The following ARL13B variants were observed in gnomAD, a reference collection of about 807,000 sequenced individuals.
ARL13B encodes the protein ADP-ribosylation factor-like protein 13B.
A neutral mutation model predicts 56.1 loss-of-function variants in ARL13B; 36 were observed. That is an observed-to-expected ratio of 0.64 (90% CI 0.49 to 0.85). ARL13B has a LOEUF of 0.85. Ranked by LOEUF, ARL13B falls within the 40% of genes least tolerant of loss-of-function variation. The pLI, the probability that ARL13B is intolerant of heterozygous loss-of-function variation, is 0.00. For missense variants in ARL13B, 519 were observed against 507.1 expected, an observed-to-expected ratio of 1.02 and a Z score of -0.23; for synonymous variants, 178 against 171.1, an observed-to-expected ratio of 1.04 and a Z score of -0.32.
intron 3 of ARL13B, among the ~76,000 whole-genome samples, chr3:94,006,182 C>A (rs1045852903): frequency 6.6e-6 from 1 of 152,066 alleles, no homozygotes; most frequent in African/African-American, 2.4e-5. Flanking sequence ...GTAGTCCCAG[C>A]TACTCGGGAG....
rs1374473077 is a variant in ARL13B at position 93,988,885 on chromosome 3, G to C, written c.60-6989G>C. On this transcript the variant is annotated intron_variant, in intron 1 of 9. Coordinates refer to ENST00000394222, the MANE Select transcript of ARL13B (RefSeq NM_001174150.2). ...AGCAGGTTTAGCTGACAAGTGCGCAGATCTCCTCTTGGGCTCTTGCTTCGC... is the reference window on the plus strand; with the variant it reads ...AGCAGGTTTAGCTGACAAGTGCGCACATCTCCTCTTGGGCTCTTGCTTCGC... 3.9e-5 allele frequency: 14 copies of C among 361,192 alleles called. No homozygotes were observed. The East Asian group carries it at 9.5e-4, about 24-fold the overall frequency. The allele number at this position is 361,192 out of a possible 1,614,324, so 22.4% of individuals were successfully genotyped here.
In ARL13B at chr3:94,054,898, G is replaced by A; in HGVS notation, c.*1635G>A. 2 of 272,908 alleles carry A rather than the reference G, an allele frequency of 7.3e-6. No individual in the cohort carries two copies. The highest frequency in any genetic ancestry group is 1.5e-5 in the Non-Finnish European group (2 of 137,528). 16.9% of individuals were successfully genotyped at this position (272,908 alleles called of 1,614,324 possible). On this transcript the variant is annotated 3_prime_UTR_variant, in exon 10 of 10. Coordinates refer to ENST00000394222, the MANE Select transcript of ARL13B (RefSeq NM_001174150.2). The stretch of plus-strand genomic sequence containing the variant: ...TGTAAACTTTGAAAAGGATTTTAGA[G>A]GGAAAATTGCATAGCTTTTTGTAAC...
chr3:94,021,196 A>G (rs1356631412), intron 3 of ARL13B, among the ~76,000 whole-genome samples: 2 of 148,972 alleles, frequency 1.3e-5, no homozygotes, highest in South Asian at 4.2e-4. Context: ...ATATATATAT[A>G]TATAATTTTT....
chr3:94,022,032 A>G (rs1367982930), intron 3 of ARL13B, among the ~76,000 whole-genome samples: 1 of 152,178 alleles, frequency 6.6e-6, no homozygotes, highest in African/African-American at 2.4e-5. Context: ...TCATAAAGGC[A>G]GTCATTTTCA....
chr3:94,045,257 A>C (rs1339561768), intron 7 of ARL13B, among the ~76,000 whole-genome samples: 2 of 152,084 alleles, frequency 1.3e-5, no homozygotes, highest in Non-Finnish European at 2.9e-5. Flanking sequence ...ATGCTCATTA[A>C]GAGTCGTCAC....
chr3:94,022,367 C>T (rs1156897121), intron 3 of ARL13B, among the ~76,000 whole-genome samples: 1 of 152,084 alleles, frequency 6.6e-6, no homozygotes, highest in East Asian at 1.9e-4. Context: ...CTCAAGTGAT[C>T]CACCCGCCTC....
intron 4 of ARL13B, among the ~76,000 whole-genome samples, chr3:94,036,212 T>G (rs553608982): frequency 7.5e-4 from 114 of 152,344 alleles, no homozygotes; most frequent in African/African-American, 2.7e-3. Context: ...TACTGCTGTA[T>G]ATTGTAGTAT....
intron 7 of ARL13B, among the ~76,000 whole-genome samples, chr3:94,048,489 A>C (rs2077016851): frequency 6.6e-6 from 1 of 152,236 alleles, no homozygotes; most frequent in Non-Finnish European, 1.5e-5. Flanking sequence ...AAAAGAAAGA[A>C]CACATTCAAT....
chr3:94,015,024 C>A (rs768929991), intron 3 of ARL13B: 3 of 1,614,060 alleles, frequency 1.9e-6, no homozygotes, highest in Non-Finnish European at 2.5e-6. Flanking sequence ...TAAACCTTCT[C>A]ATTGAAGCCA....
chr3:94,032,690 G>T (rs567427805), intron 3 of ARL13B, among the ~76,000 whole-genome samples: 1 of 152,142 alleles, frequency 6.6e-6, no homozygotes, highest in African/African-American at 2.4e-5. Flanking sequence ...TAGAGATGGG[G>T]TTTCACCGTG....
chr3:94,040,697 T>G (rs570985497), intron 6 of ARL13B, among the ~76,000 whole-genome samples: 114 of 152,110 alleles, frequency 7.5e-4, no homozygotes, highest in African/African-American at 2.7e-3. Context: ...TTTTTTTTTT[T>G]TTTTGTCTCC....
intron 9 of ARL13B, among the ~76,000 whole-genome samples, chr3:94,051,858 C>T (rs2077072716): frequency 6.6e-6 from 1 of 151,704 alleles, no homozygotes; most frequent in Admixed American, 6.6e-5. Flanking sequence ...TTTTTTCCCC[C>T]AGAATTCTAT....
intron 3 of ARL13B, among the ~76,000 whole-genome samples, chr3:94,034,506 A>T (rs980373861): frequency 1.4e-5 from 2 of 143,416 alleles, no homozygotes. Flanking sequence ...ATTGAGTACA[A>T]TTTTTTTTTT....
At chr3:94,029,598 C>T (rs555096748) in intron 3 of ARL13B, among the ~76,000 whole-genome samples, 2 of 151,816 alleles carry the variant, frequency 1.3e-5, no homozygotes, top group East Asian at 1.9e-4. Flanking sequence ...GCCTCAGCCT[C>T]CCAAAGTTCT....
At chr3:93,983,960 T>C (rs956299918) in intron 1 of ARL13B, among the ~76,000 whole-genome samples, 17 of 152,234 alleles carry the variant, frequency 1.1e-4, no homozygotes, top group African/African-American at 3.1e-4. Flanking sequence ...TCCTGTTGAC[T>C]AGAAGCCTTA....
chr3:93,997,986 A>C (rs2075994893), intron 2 of ARL13B, among the ~76,000 whole-genome samples: 1 of 152,212 alleles, frequency 6.6e-6, no homozygotes, highest in African/African-American at 2.4e-5. Flanking sequence ...TCCGTCTCAA[A>C]AAAAAAGAAG....
intron 1 of ARL13B, among the ~76,000 whole-genome samples, chr3:93,989,967 T>C (rs1441989574): frequency 6.6e-6 from 1 of 152,164 alleles, no homozygotes; most frequent in Non-Finnish European, 1.5e-5. Flanking sequence ...CATTAATTAT[T>C]TGATAATACA....
intron 2 of ARL13B, among the ~76,000 whole-genome samples, chr3:93,997,684 A>G (rs995227115): frequency 2.6e-5 from 4 of 152,182 alleles, no homozygotes; most frequent in African/African-American, 7.2e-5. Flanking sequence ...GAAAGCAGCC[A>G]TAGACCATCT....
At chr3:94,043,728 G>C in intron 7 of ARL13B, among the ~76,000 whole-genome samples, 1 of 117,772 alleles carries the variant, frequency 8.5e-6, no homozygotes, top group Non-Finnish European at 1.7e-5. Context: ...CATGATCTCG[G>C]CTCACTGCAA....
Sources: allele counts gnomAD v4.1 joint callset (sites outside exome capture counted in the v4.1 genomes callset), GRCh38; gene constraint gnomAD v4.1.1; transcripts MANE v1.5; gene names NCBI Gene and HGNC (gene_info 2026-07-23, HGNC 2026-07-21).